Variants in TMEM30A observed in about 807,000 individuals in gnomAD.
TMEM30A encodes the protein cell division cycle 50 P4-ATPase accessory subunit A.
TMEM30A carries 24 observed loss-of-function variants against 38.2 expected under a neutral mutation model. The observed-to-expected ratio is 0.63, with a 90% confidence interval of 0.46 to 0.88. The LOEUF (loss-of-function observed/expected upper bound fraction) is 0.88. Among genes scored for constraint, TMEM30A ranks in the 40% least tolerant of loss-of-function variants. The pLI is 0.00. For missense variants in TMEM30A, 370 were observed against 458.6 expected (o/e 0.81, Z 1.77); for synonymous variants, 145 against 161.6 (o/e 0.90, Z 0.78).
chr6:75,279,835 A>T (rs1214540889), intron 1 of TMEM30A, among the ~76,000 whole-genome samples: 2 of 152,338 alleles, frequency 1.3e-5, no homozygotes, highest in East Asian at 3.9e-4. Context: ...CGACTGGAAA[A>T]CTTCCATTTT....
chr6:75,262,913 G>A (rs1771997038), intron 3 of TMEM30A, among the ~76,000 whole-genome samples: 1 of 152,226 alleles, frequency 6.6e-6, no homozygotes, highest in African/African-American at 2.4e-5. Context: ...CCAGGCACTT[G>A]GTAAACAGTG....
chr6:75,257,384 C>T (rs1320601746), intron 6 of TMEM30A, among the ~76,000 whole-genome samples: 2 of 152,144 alleles, frequency 1.3e-5, no homozygotes, highest in Non-Finnish European at 2.9e-5. Flanking sequence ...ATCATGCATT[C>T]CTTTAGATAG....
Position 75,284,740 on chromosome 6 carries a change from G to GCCGCAGCCACCAGCGCCACCGCCA in TMEM30A, c.-126_-103dup. 1 of 1,176,416 alleles carries GCCGCAGCCACCAGCGCCACCGCCA rather than the reference G, an allele frequency of 8.5e-7. No individual in the cohort carries two copies. Among genetic ancestry groups the GCCGCAGCCACCAGCGCCACCGCCA allele is most frequent in the Non-Finnish European group, 1.2e-6 (1 of 802,228 alleles). 72.9% of individuals were successfully genotyped at this position (1,176,416 alleles called of 1,614,324 possible). ...CTCGAGCGCCGCTGCCGCCGCCGCC[G>GCCGCAGCCACCAGCGCCACCGCCA]CCGCAGCCACCAGCGCCACCGCCAC... is the stretch of plus-strand genomic sequence containing the variant. On this transcript the variant is annotated 5_prime_UTR_variant, in exon 1 of 7. Coordinates refer to ENST00000230461, the MANE Select transcript of TMEM30A (RefSeq NM_018247.4).
At chr6:75,281,559 CT>C (rs1044335796) in intron 1 of TMEM30A, among the ~76,000 whole-genome samples, 3 of 151,844 alleles carry the variant, frequency 2.0e-5, no homozygotes, top group Non-Finnish European at 4.4e-5. Context: ...GTGAAAATAT[CT>C]TTTTTTTCCA....
At chr6:75,261,945 T>C (rs562168086) in intron 3 of TMEM30A, among the ~76,000 whole-genome samples, 1 of 152,340 alleles carries the variant, frequency 6.6e-6, no homozygotes, top group Admixed American at 6.5e-5. Context: ...TGCTAGCCAC[T>C]AAATTCTTAA....
At position 75,253,712 on chromosome 6, in the gene TMEM30A, G is replaced by A. The variant is rs973693169; in HGVS notation, c.*2390C>T. 6.6e-6 allele frequency: 1 copy of A among 152,410 alleles called. No homozygotes were observed. The highest frequency in any genetic ancestry group is 6.6e-5 in the Admixed American group (1 of 15,250). 9.4% of individuals were successfully genotyped at this position (152,410 alleles called of 1,614,324 possible). A position where few individuals can be genotyped will look rare whatever the true frequency, so the allele number is the denominator to read the frequency against. ...GAAACTCACTAGCAAATAAACAAAC[G>A]ATATTCACTTGACTCTTCTCTTGGT... On this transcript the variant is annotated 3_prime_UTR_variant, in exon 7 of 7. Transcript: ENST00000230461.
chr6:75,268,875 G>A (rs181061106), intron 1 of TMEM30A, among the ~76,000 whole-genome samples: 1 of 152,182 alleles, frequency 6.6e-6, no homozygotes, highest in Non-Finnish European at 1.5e-5. Flanking sequence ...TGAACCTGTG[G>A]AGTCTGACAC....
chr6:75,270,354 T>C (rs1003900871), intron 1 of TMEM30A, among the ~76,000 whole-genome samples: 2 of 152,322 alleles, frequency 1.3e-5, no homozygotes, highest in African/African-American at 4.8e-5. Context: ...AACTGAATGT[T>C]TGTGTCCCCC....
Position 75,255,801 on chromosome 6 carries a change from A to G in TMEM30A, c.*301T>C. The G allele has an allele frequency of 4.2e-6, 1 of 237,932 alleles. No homozygotes were observed. Among genetic ancestry groups the G allele is most frequent in the Non-Finnish European group, 8.2e-6 (1 of 122,694 alleles). 14.7% of individuals were successfully genotyped at this position (237,932 alleles called of 1,614,324 possible). ...CAGCATAAAGATTTAAGCAGTAGAC[A>G]CAAGTCACATGAAAGAGGCTCTATG... On this transcript the variant is annotated 3_prime_UTR_variant, in exon 7 of 7. Coordinates refer to ENST00000230461, the MANE Select transcript of TMEM30A (RefSeq NM_018247.4).
At chr6:75,256,393 T>A in intron 6 of TMEM30A, 98 bp from the exon 7 acceptor site, 1 of 1,071,126 alleles carries the variant, frequency 9.3e-7, no homozygotes, top group South Asian at 1.6e-5. Flanking sequence ...TTCATTTGTG[T>A]AATTCTAGGA....
intron 1 of TMEM30A, among the ~76,000 whole-genome samples, chr6:75,277,720 C>A (rs1054053304): frequency 1.3e-5 from 2 of 152,080 alleles, no homozygotes; most frequent in African/African-American, 4.8e-5. Flanking sequence ...GCCTGGGCAA[C>A]CAAGCGAGAC....
rs559748543 is a variant in TMEM30A, at chr6:75,254,605, A to T, written c.*1497T>A. 19 of 152,144 alleles carry T rather than the reference A, an allele frequency of 1.2e-4. No individual in the cohort carries two copies. The highest frequency in any genetic ancestry group is 5.8e-4 in the East Asian group (3 of 5,180). 9.4% of individuals were successfully genotyped at this position (152,144 alleles called of 1,614,324 possible). ...ACCATTACATTGTTTTTTGTTTTTT[A>T]AAAAAAGTATATATTAATCAAAAGT... On this transcript the variant is annotated 3_prime_UTR_variant, in exon 7 of 7. Transcript: ENST00000230461.
chr6:75,257,528 T>C (rs1771885585), intron 6 of TMEM30A, among the ~76,000 whole-genome samples: 1 of 152,182 alleles, frequency 6.6e-6, no homozygotes, highest in African/African-American at 2.4e-5. Context: ...CCTTACTCTC[T>C]AGAGATTTTC....
At position 75,258,943 on chromosome 6, in the gene TMEM30A, C is replaced by T. The variant is rs147135388; in HGVS notation, c.729G>A (p.Leu243=). 1.1e-5 allele frequency: 17 copies of T among 1,613,786 alleles called. No individual in the cohort carries two copies. The African/African-American group carries it at 2.1e-4, about 20-fold the overall frequency. The change falls in exon 6 of 7, where the codon CTG becomes CTA. Residue 243 remains leucine (L), a synonymous_variant. Coordinates refer to ENST00000230461, the MANE Select transcript of TMEM30A (RefSeq NM_018247.4). The part of the protein sequence containing the change: ...PVNWLKPVYM[L]DSDPDNNGFI... ...ATCCATTATTATCTGGGTCAGAATC[C>T]AGCATGTAAACTGGTTTAAGCCAGT...
chr6:75,275,255 T>C lies in TMEM30A; in HGVS notation c.238-7507A>G, dbSNP rs533330571. The stretch of plus-strand genomic sequence containing the variant: ...TTCTTTGACCTATAAATCACTCTTA[T>C]GATTTCATCCTATCTTAGGCCTTTA... On this transcript the variant is annotated intron_variant, in intron 1 of 6. Transcript: ENST00000230461. Among the ~76,000 whole-genome samples the C allele has an allele frequency of 3.3e-5, 5 of 152,324 alleles. No individual in the cohort carries two copies. In the East Asian group the frequency reaches 5.8e-4, roughly 18 times the overall value.
At chr6:75,281,896 T>C (rs950215623) in intron 1 of TMEM30A, among the ~76,000 whole-genome samples, 1 of 152,200 alleles carries the variant, frequency 6.6e-6, no homozygotes, top group Non-Finnish European at 1.5e-5. Flanking sequence ...TATGTGTGTT[T>C]GGGGAATTTC....
rs74857792 is a variant in TMEM30A at position 75,263,229 on chromosome 6, T to A, written c.453+2002A>T. On this transcript the variant is annotated intron_variant, in intron 3 of 6. Coordinates refer to ENST00000230461, the MANE Select transcript of TMEM30A (RefSeq NM_018247.4). ...ATGCCACTAAACAAGAACTTATTTC[T>A]GTGAAGGTAATGGTGAATGTAGCTG... Among the ~76,000 whole-genome samples, 61 of 152,268 alleles carry A rather than the reference T, an allele frequency of 4.0e-4. No individual in the cohort carries two copies. The East Asian group carries it at 0.012, about 29-fold the overall frequency.
chr6:75,282,695 T>C (rs956190689), intron 1 of TMEM30A, among the ~76,000 whole-genome samples: 1 of 152,174 alleles, frequency 6.6e-6, no homozygotes, highest in Non-Finnish European at 1.5e-5. Context: ...AATCTCAACC[T>C]CTCTATTTCT....
At chr6:75,267,528 G>C (rs934630921) in intron 2 of TMEM30A, 113 bp downstream of exon 2, 1 of 666,264 alleles carries the variant, frequency 1.5e-6, no homozygotes, top group Non-Finnish European at 2.3e-6. Flanking sequence ...ATAAACTCCA[G>C]TAAATTATAC....
Sources: gnomAD v4.1 joint callset for allele counts (sites outside exome capture counted in the v4.1 genomes callset) on GRCh38, gnomAD v4.1.1 for gene constraint, MANE v1.5 for transcripts, NCBI Gene and HGNC (gene_info 2026-07-23, HGNC 2026-07-21) for gene names.